Variants in HS6ST3 observed in about 807,000 individuals in gnomAD.
The protein encoded by HS6ST3 is heparan-sulfate 6-O-sulfotransferase 3.
HS6ST3 carries 12 observed loss-of-function variants against 36.7 expected under a neutral mutation model. That is an observed-to-expected ratio of 0.33 (90% CI 0.21 to 0.53). The LOEUF is 0.53. Ranked by LOEUF, HS6ST3 falls within the 20% of genes least tolerant of loss-of-function variation. The probability of loss-of-function intolerance (pLI) is 0.95; values close to 1 mark genes in which losing one functional copy is unlikely to be tolerated. For missense variants in HS6ST3, 584 were observed against 640.9 expected (o/e 0.91, Z 0.96); for synonymous variants, 240 against 257.5 (o/e 0.93, Z 0.65).
At chr13:96,191,080 T>G (rs969088205) in intron 1 of HS6ST3, among the ~76,000 whole-genome samples, 2 of 152,192 alleles carry the variant, frequency 1.3e-5, no homozygotes, top group Admixed American at 6.5e-5. Flanking sequence ...TTCGCCATTC[T>G]TATGTCTAAT....
At chr13:96,476,478 T>C (rs2055864852) in intron 1 of HS6ST3, among the ~76,000 whole-genome samples, 1 of 152,192 alleles carries the variant, frequency 6.6e-6, no homozygotes, top group Non-Finnish European at 1.5e-5. Flanking sequence ...TTCTCCTGCC[T>C]CAGCCTCCAG....
chr13:96,342,953 T>C (rs2139426754), intron 1 of HS6ST3, among the ~76,000 whole-genome samples: 1 of 152,372 alleles, frequency 6.6e-6, no homozygotes, highest in South Asian at 2.1e-4. Flanking sequence ...TGCAACTTCA[T>C]GTCTGTATTC....
chr13:96,307,946 C>T (rs2054921864), intron 1 of HS6ST3, among the ~76,000 whole-genome samples: 1 of 152,006 alleles, frequency 6.6e-6, no homozygotes, highest in Non-Finnish European at 1.5e-5. Flanking sequence ...ACATTACTTC[C>T]ATCAGTTGTT....
chr13:96,309,543 T>C (rs61966903), intron 1 of HS6ST3, among the ~76,000 whole-genome samples: 20,498 of 152,178 alleles, frequency 0.13, 1,603 homozygotes, highest in African/African-American at 0.21. Context: ...ATAGATAGGT[T>C]TAACATTAAT....
At chr13:96,535,603 G>A (rs1403316929) in intron 1 of HS6ST3, among the ~76,000 whole-genome samples, 2 of 151,942 alleles carry the variant, frequency 1.3e-5, no homozygotes, top group South Asian at 2.1e-4. Flanking sequence ...TCTAGGTAGG[G>A]TTTGAACTTG....
intron 1 of HS6ST3, among the ~76,000 whole-genome samples, chr13:96,710,251 C>T (rs936295686): frequency 4.6e-5 from 7 of 152,236 alleles, no homozygotes; most frequent in Non-Finnish European, 1.0e-4. Flanking sequence ...TAAGCAGTGT[C>T]ATCTGAAAAT....
At chr13:96,324,667 ACTGGTATC>A (rs2055021519) in intron 1 of HS6ST3, among the ~76,000 whole-genome samples, 1 of 152,170 alleles carries the variant, frequency 6.6e-6, no homozygotes, top group Admixed American at 6.5e-5. Context: ...GTCCAGTTTG[ACTGGTATC>A]TTTATGAAAA....
chr13:96,401,572 G>T (rs941702228), intron 1 of HS6ST3, among the ~76,000 whole-genome samples: 1 of 152,048 alleles, frequency 6.6e-6, no homozygotes, highest in Admixed American at 6.6e-5. Flanking sequence ...TACTTTATAA[G>T]GACTGTTATT....
intron 1 of HS6ST3, among the ~76,000 whole-genome samples, chr13:96,233,262 T>G (rs1594725281): frequency 6.6e-6 from 1 of 152,166 alleles, no homozygotes; most frequent in African/African-American, 2.4e-5. Context: ...AAAAAGGACT[T>G]TTTATTTATT....
intron 1 of HS6ST3, among the ~76,000 whole-genome samples, chr13:96,343,985 G>T (rs750173500): frequency 6.6e-6 from 1 of 152,008 alleles, no homozygotes; most frequent in Non-Finnish European, 1.5e-5. Context: ...CTTGTGATCC[G>T]CCTGCCTCAG....
intron 1 of HS6ST3, among the ~76,000 whole-genome samples, chr13:96,831,954 C>CAAA (rs35266831): frequency 0.018 from 387 of 21,754 alleles, 54 homozygotes; most frequent in African/African-American, 0.036. Context: ...GACTCCCTCT[C>CAAA]AAAAAAAAAA....
At chr13:96,698,624 A>G (rs961692463) in intron 1 of HS6ST3, among the ~76,000 whole-genome samples, 2 of 152,222 alleles carry the variant, frequency 1.3e-5, no homozygotes, top group African/African-American at 2.4e-5. Flanking sequence ...AACAAATGGA[A>G]GAACATTCCA....
chr13:96,536,070 G>A (rs74107910), intron 1 of HS6ST3, among the ~76,000 whole-genome samples: 10,217 of 152,152 alleles, frequency 0.067, 406 homozygotes, highest in African/African-American at 0.089. Context: ...TAACTCCCCT[G>A]GAAAAATTAT....
Position 96,144,113 on chromosome 13 carries a change from G to C in HS6ST3, c.707+52544G>C, listed in dbSNP as rs2054044888. 2.0e-5 allele frequency among the ~76,000 whole-genome samples: 3 copies of C among 152,192 alleles called. No individual in the cohort carries two copies. In the South Asian group the frequency reaches 6.2e-4, roughly 32 times the overall value. On this transcript the variant is annotated intron_variant, in intron 1 of 1. Transcript: ENST00000376705. ...TGCTGTTGCTTAACCATATGATTTT[G>C]GCAAGAGCTATTTCTTCATCAGTTT... is the stretch of plus-strand genomic sequence containing the variant.
At chr13:96,752,123 C>T (rs940916633) in intron 1 of HS6ST3, among the ~76,000 whole-genome samples, 3 of 151,998 alleles carry the variant, frequency 2.0e-5, no homozygotes, top group Non-Finnish European at 4.4e-5. Context: ...AAGTACTATA[C>T]TGCTTTTTTT....
At position 96,511,182 on chromosome 13, in the gene HS6ST3, A is replaced by AT; in HGVS notation, c.708-321306dup. Among the ~76,000 whole-genome samples the AT allele has an allele frequency of 1.3e-5, 2 of 152,294 alleles. 1 individual carries two copies. The highest frequency in any genetic ancestry group is 4.1e-4 in the South Asian group (2 of 4,828). On this transcript the variant is annotated intron_variant, in intron 1 of 1. Coordinates refer to ENST00000376705, the MANE Select transcript of HS6ST3 (RefSeq NM_153456.4). ...CTGTGTTCATGGATACCTGGATTGT[A>AT]TTAAACACTCTGCCATCACTGACCA...
In HS6ST3 at chr13:96,832,856, G is replaced by A. The variant is rs1878837202; in HGVS notation, c.1074G>A (p.Arg358=). The A allele has an allele frequency of 1.2e-6, 2 of 1,614,152 alleles. No homozygotes were observed. Among genetic ancestry groups the A allele is most frequent in the Non-Finnish European group, 1.7e-6 (2 of 1,180,004 alleles). The part of the protein sequence containing the change: ...MAFFGLTEFQ[R]KTQFLFERTF... ...TCTTTGGGCTCACTGAGTTCCAGAGGAAGACACAGTTTCTCTTTGAGAGAA... is the reference window on the plus strand; with the variant it reads ...TCTTTGGGCTCACTGAGTTCCAGAGAAAGACACAGTTTCTCTTTGAGAGAA... Residue 358 remains arginine (R), a synonymous_variant, in exon 2 of 2, where the codon AGG becomes AGA. Transcript: ENST00000376705.
intron 1 of HS6ST3, among the ~76,000 whole-genome samples, chr13:96,689,665 C>A (rs1874889347): frequency 7.7e-6 from 1 of 130,614 alleles, no homozygotes; most frequent in South Asian, 2.4e-4. Context: ...AGAATACCTG[C>A]TTTATAAACA....
rs1217373265 is a variant in HS6ST3, at chr13:96,304,482, G to A, written c.707+212913G>A. On this transcript the variant is annotated intron_variant, in intron 1 of 1. Coordinates refer to ENST00000376705, the MANE Select transcript of HS6ST3 (RefSeq NM_153456.4). Reference sequence around the variant, plus strand: ...AGGCCTAATCAAGGGACCATCTAATGGAGATGTGCCTTAGTTAATAGGAGT... The same window carrying A: ...AGGCCTAATCAAGGGACCATCTAATAGAGATGTGCCTTAGTTAATAGGAGT... Among the ~76,000 whole-genome samples, 3 of 152,060 alleles carry A rather than the reference G, an allele frequency of 2.0e-5. No homozygotes were observed. The East Asian group carries it at 5.8e-4, about 29-fold the overall frequency.
Sources: allele counts gnomAD v4.1 joint callset (sites outside exome capture counted in the v4.1 genomes callset), GRCh38; gene constraint gnomAD v4.1.1; transcripts MANE v1.5; gene names NCBI Gene and HGNC (gene_info 2026-07-23, HGNC 2026-07-21).